WWOX: variants seen among roughly 807,000 people sequenced by gnomAD.
The protein encoded by WWOX is WW domain-containing oxidoreductase.
Under a neutral mutation model 46.2 loss-of-function variants are expected in WWOX, and 69 were observed. The ratio of observed to expected loss-of-function variants is 1.49; its 90% CI spans 1.23 to 1.82. WWOX has a LOEUF of 1.82. WWOX is among the 40% of genes most tolerant of loss of function. The probability of loss-of-function intolerance (pLI) is 0.00; values close to 1 mark genes in which losing one functional copy is unlikely to be tolerated. For synonymous variants in WWOX, 359 were observed against 202.6 expected, an observed-to-expected ratio of 1.77 and a Z score of -6.56; for missense variants, 919 against 542.6, an observed-to-expected ratio of 1.69 and a Z score of -6.89.
intron 5 of WWOX, among the ~76,000 whole-genome samples, chr16:78,275,435 C>G (rs1278313597): frequency 6.6e-6 from 1 of 152,244 alleles, no homozygotes; most frequent in African/African-American, 2.4e-5. Context: ...TCCAAATTGA[C>G]ATTACCTGGC....
At chr16:78,587,196 T>TC (rs1210401093) in intron 8 of WWOX, among the ~76,000 whole-genome samples, 1 of 98,410 alleles carries the variant, frequency 1.0e-5, no homozygotes, top group Non-Finnish European at 1.9e-5. Flanking sequence ...TGGCTAACTT[T>TC]TTTTTTTTTT....
chr16:78,111,099 T>C (rs80006768), intron 3 of WWOX, among the ~76,000 whole-genome samples: 3,060 of 152,208 alleles, frequency 0.02, 119 homozygotes, highest in African/African-American at 0.071. Flanking sequence ...AGCCCTCCTC[T>C]GAGTGTGAGT....
chr16:78,387,855 A>G (rs764831380), intron 6 of WWOX, among the ~76,000 whole-genome samples: 1 of 152,114 alleles, frequency 6.6e-6, no homozygotes, highest in Non-Finnish European at 1.5e-5. Context: ...AGGATAAGAT[A>G]ATTACACAAG....
chr16:79,156,190 C>G (rs558576830), intron 8 of WWOX, among the ~76,000 whole-genome samples: 1 of 152,144 alleles, frequency 6.6e-6, no homozygotes. Context: ...GAGACAAGGT[C>G]TCACTCTGTT....
chr16:78,102,180 G>C (rs1036334417), intron 1 of WWOX, among the ~76,000 whole-genome samples: 2 of 152,162 alleles, frequency 1.3e-5, no homozygotes, highest in Non-Finnish European at 2.9e-5. Context: ...CGAAGCACTG[G>C]AATCACAGGC....
intron 8 of WWOX, among the ~76,000 whole-genome samples, chr16:78,774,820 G>C (rs1188890539): frequency 2.6e-5 from 4 of 152,158 alleles, no homozygotes; most frequent in East Asian, 1.9e-4. Context: ...AGGAGATCTT[G>C]TGCTTCCTAT....
intron 8 of WWOX, among the ~76,000 whole-genome samples, chr16:79,150,128 A>T (rs1326057780): frequency 6.6e-6 from 1 of 152,224 alleles, no homozygotes; most frequent in East Asian, 1.9e-4. Context: ...CTGGTTCACC[A>T]AGCTTAGCTC....
At chr16:79,072,914 T>C (rs2048578388) in intron 8 of WWOX, among the ~76,000 whole-genome samples, 1 of 152,194 alleles carries the variant, frequency 6.6e-6, no homozygotes, top group Non-Finnish European at 1.5e-5. Flanking sequence ...TAGTTGCCAC[T>C]TTCAGCTAAG....
intron 8 of WWOX, among the ~76,000 whole-genome samples, chr16:78,732,373 A>C (rs560290818): frequency 2.6e-5 from 4 of 152,146 alleles, no homozygotes; most frequent in Non-Finnish European, 5.9e-5. Flanking sequence ...TGAGAGGCCC[A>C]AATAGAGAGG....
intron 8 of WWOX, among the ~76,000 whole-genome samples, chr16:78,914,067 A>C (rs1409177389): frequency 6.6e-6 from 1 of 152,026 alleles, no homozygotes; most frequent in Non-Finnish European, 1.5e-5. Context: ...TGCATTTGGA[A>C]ATGGAGTATG....
chr16:79,164,893 A>G (rs377105788), intron 8 of WWOX, among the ~76,000 whole-genome samples: 3 of 152,112 alleles, frequency 2.0e-5, no homozygotes, highest in South Asian at 4.1e-4. Flanking sequence ...AAACCAGGCA[A>G]ACCCACACAC....
Position 78,903,793 on chromosome 16 carries a change from A to G in WWOX, c.1057-307815A>G, listed in dbSNP as rs73581221. On this transcript the variant is annotated intron_variant, in intron 8 of 8. Coordinates refer to ENST00000566780, the MANE Select transcript of WWOX (RefSeq NM_016373.4). ...CACCCGTGGGTTCCTTTCTAGCTCA[A>G]TCATGCTGAGAGTCCAGTCCATTTA... Among the ~76,000 whole-genome samples the G allele has an allele frequency of 4.2e-3, 639 of 152,318 alleles. 5 individuals are homozygous for G. Among genetic ancestry groups the G allele is most frequent in the African/African-American group, 0.015 (615 of 41,560 alleles).
At chr16:78,240,217 G>T (rs1246341572) in intron 5 of WWOX, among the ~76,000 whole-genome samples, 5 of 152,188 alleles carry the variant, frequency 3.3e-5, no homozygotes, top group Admixed American at 3.3e-4. Context: ...TGGTGGGTGT[G>T]CCTGCAATCC....
intron 8 of WWOX, among the ~76,000 whole-genome samples, chr16:78,793,223 C>G (rs545676963): frequency 6.6e-6 from 1 of 152,144 alleles, no homozygotes; most frequent in African/African-American, 2.4e-5. Context: ...CAATGCCCAG[C>G]TAATTTTTAT....
chr16:79,026,296 G>A (rs373179141), intron 8 of WWOX, among the ~76,000 whole-genome samples: 2 of 151,652 alleles, frequency 1.3e-5, no homozygotes, highest in South Asian at 2.1e-4. Context: ...CCTGCCACAG[G>A]GCCTTTGCAC....
At chr16:79,022,778 G>A (rs2047560424) in intron 8 of WWOX, among the ~76,000 whole-genome samples, 1 of 152,182 alleles carries the variant, frequency 6.6e-6, no homozygotes, top group African/African-American at 2.4e-5. Flanking sequence ...ACATGTCAGC[G>A]GCTTTGCTCA....
At chr16:78,944,346 C>G (rs1310463273) in intron 8 of WWOX, among the ~76,000 whole-genome samples, 1 of 152,188 alleles carries the variant, frequency 6.6e-6, no homozygotes, top group African/African-American at 2.4e-5. Context: ...ATGCTGTGAA[C>G]TCCTTGAAGA....
chr16:78,284,258 G>C (rs969601995), intron 5 of WWOX, among the ~76,000 whole-genome samples: 3 of 152,130 alleles, frequency 2.0e-5, no homozygotes, highest in Non-Finnish European at 4.4e-5. Flanking sequence ...TTGCAGGATA[G>C]TGGTTTCTTC....
At chr16:78,354,053 C>T (rs1353996695) in intron 5 of WWOX, among the ~76,000 whole-genome samples, 4 of 152,188 alleles carry the variant, frequency 2.6e-5, no homozygotes, top group African/African-American at 7.2e-5. Context: ...GGGTATTAGG[C>T]AGCTTGTTTG....
Sources: gnomAD v4.1 joint callset for allele counts (sites outside exome capture counted in the v4.1 genomes callset) on GRCh38, gnomAD v4.1.1 for gene constraint, MANE v1.5 for transcripts, NCBI Gene and HGNC (gene_info 2026-07-23, HGNC 2026-07-21) for gene names.